The following PRUNE2 variants were observed in gnomAD, a reference collection of about 807,000 sequenced individuals.
PRUNE2 encodes protein prune homolog 2.
In PRUNE2, 164 loss-of-function variants were observed where a neutral mutation model predicts 252.0. The observed-to-expected ratio is 0.65, with a 90% CI of 0.57 to 0.74. The LOEUF is 0.74. PRUNE2 is among the 30% of genes least tolerant of loss of function. The pLI is 0.00. For missense variants in PRUNE2, 3,495 were observed against 3,711.0 expected (o/e 0.94, Z 1.51); for synonymous variants, 1,292 against 1,350.2 (o/e 0.96, Z 0.94).
At chr9:76,892,650 G>A (rs2062553161) in intron 1 of PRUNE2, among the ~76,000 whole-genome samples, 1 of 152,034 alleles carries the variant, frequency 6.6e-6, no homozygotes, top group Admixed American at 6.6e-5. Context: ...ATAAAAATTG[G>A]GGTTGCAAGA....
At chr9:76,811,023 A>G (rs1016009361) in intron 6 of PRUNE2, among the ~76,000 whole-genome samples, 1 of 152,228 alleles carries the variant, frequency 6.6e-6, no homozygotes, top group African/African-American at 2.4e-5. Context: ...AATCAGCAAA[A>G]TAACTCTGAA....
At chr9:76,685,557 T>A (rs2043991291) in intron 9 of PRUNE2, among the ~76,000 whole-genome samples, 1 of 152,158 alleles carries the variant, frequency 6.6e-6, no homozygotes, top group Admixed American at 6.5e-5. Context: ...TAGTTCAATA[T>A]GAATGGCATC....
rs1464928234 is a variant in PRUNE2, at chr9:76,706,376, G to C, written c.5898C>G (p.Val1966=). 3 of 1,613,914 alleles carry C rather than the reference G, an allele frequency of 1.9e-6. No individual in the cohort carries two copies. The highest frequency in any genetic ancestry group is 2.5e-6 in the Non-Finnish European group (3 of 1,179,910). Residue 1966 remains valine (V), a synonymous_variant, in exon 8 of 19, where the codon GTC becomes GTG. Coordinates refer to ENST00000376718, the MANE Select transcript of PRUNE2 (RefSeq NM_015225.3). The part of the protein sequence containing the change: ...QEQCQDTMLP[V]CDHPDTAFTH... ...TAAAGGCTGTGTCCGGATGATCACAGACTGGCAGCATGGTGTCCTGACACT... is the reference window on the plus strand; with the variant it reads ...TAAAGGCTGTGTCCGGATGATCACACACTGGCAGCATGGTGTCCTGACACT...
intron 6 of PRUNE2, chr9:76,740,055 C>T (rs984052413): frequency 2.2e-4 from 32 of 148,422 alleles, no homozygotes; most frequent in African/African-American, 7.9e-4. Context: ...CAGTATGATA[C>T]TCTGTTTCAA....
intron 1 of PRUNE2, among the ~76,000 whole-genome samples, chr9:76,886,061 C>G (rs2062077132): frequency 6.6e-6 from 1 of 151,906 alleles, no homozygotes; most frequent in Non-Finnish European, 1.5e-5. Context: ...TGGCACACAC[C>G]TGTAGTCCCA....
chr9:76,770,913 T>C (rs1589129909), intron 6 of PRUNE2, among the ~76,000 whole-genome samples: 1 of 152,156 alleles, frequency 6.6e-6, no homozygotes, highest in South Asian at 2.1e-4. Flanking sequence ...ATACCAAAAA[T>C]TAAATTTCAA....
chr9:76,635,952 A>G (rs1201931990), intron 15 of PRUNE2, among the ~76,000 whole-genome samples: 5 of 152,216 alleles, frequency 3.3e-5, no homozygotes, highest in Non-Finnish European at 5.9e-5. Flanking sequence ...ATTGAAACCA[A>G]GACTCCTCAG....
intron 18 of PRUNE2, among the ~76,000 whole-genome samples, chr9:76,615,918 C>T (rs1053720402): frequency 2.0e-5 from 3 of 151,618 alleles, no homozygotes; most frequent in Non-Finnish European, 2.9e-5. Flanking sequence ...TACAGGCAGA[C>T]GCCACCATGC....
At chr9:76,684,082 T>A (rs1016145926) in intron 9 of PRUNE2, among the ~76,000 whole-genome samples, 2 of 152,070 alleles carry the variant, frequency 1.3e-5, no homozygotes, top group Non-Finnish European at 2.9e-5. Flanking sequence ...CATACTTATG[T>A]TTTTTGTGGT....
intron 1 of PRUNE2, among the ~76,000 whole-genome samples, chr9:76,882,294 G>A (rs754100641): frequency 4.6e-5 from 7 of 152,176 alleles, no homozygotes; most frequent in Non-Finnish European, 7.3e-5. Flanking sequence ...CCTCATATAT[G>A]ATGATTATAA....
intron 11 of PRUNE2, 25 bp downstream of exon 11, chr9:76,652,458 T>C: frequency 6.5e-7 from 1 of 1,533,212 alleles, no homozygotes; most frequent in Non-Finnish European, 9.0e-7. Context: ...CATTTAACTT[T>C]GGCCTTGCCA....
intron 1 of PRUNE2, among the ~76,000 whole-genome samples, chr9:76,870,872 T>C (rs540263917): frequency 8.6e-5 from 13 of 152,026 alleles, no homozygotes; most frequent in South Asian, 6.2e-4. Flanking sequence ...TTAATAACAA[T>C]ACGGCAGCAA....
At chr9:76,886,276 C>G (rs2062093877) in intron 1 of PRUNE2, among the ~76,000 whole-genome samples, 1 of 151,866 alleles carries the variant, frequency 6.6e-6, no homozygotes, top group South Asian at 2.1e-4. Flanking sequence ...ATGAATAAAC[C>G]AAGACCCAAA....
intron 1 of PRUNE2, chr9:76,862,191 G>A (rs1213348280): frequency 1.3e-5 from 2 of 152,464 alleles, no homozygotes; most frequent in African/African-American, 4.8e-5. Context: ...GGCCGAGGCA[G>A]GCAGATCACC....
intron 6 of PRUNE2, among the ~76,000 whole-genome samples, chr9:76,802,226 A>G (rs565267050): frequency 2.9e-4 from 44 of 152,322 alleles, no homozygotes; most frequent in Non-Finnish European, 5.6e-4. Flanking sequence ...ACCATGTGGC[A>G]GAAAGACTAG....
At chr9:76,643,759 A>G (rs185606317) in intron 12 of PRUNE2, among the ~76,000 whole-genome samples, 1 of 152,342 alleles carries the variant, frequency 6.6e-6, no homozygotes, top group African/African-American at 2.4e-5. Flanking sequence ...GGGGGTAGCA[A>G]TGTATGGGAT....
chr9:76,880,784 T>G (rs1453978400), intron 1 of PRUNE2, among the ~76,000 whole-genome samples: 1 of 152,222 alleles, frequency 6.6e-6, no homozygotes, highest in African/African-American at 2.4e-5. Flanking sequence ...AAGATGTATT[T>G]GTTTTGGAAA....
chr9:76,736,326 A>T (rs1298261057), intron 6 of PRUNE2, among the ~76,000 whole-genome samples: 3 of 152,248 alleles, frequency 2.0e-5, no homozygotes, highest in Non-Finnish European at 4.4e-5. Context: ...GCTATGGATA[A>T]TTTCTGGTCT....
At chr9:76,777,753 T>C (rs2053955668) in intron 6 of PRUNE2, among the ~76,000 whole-genome samples, 1 of 152,108 alleles carries the variant, frequency 6.6e-6, no homozygotes, top group Admixed American at 6.5e-5. Context: ...GGATAGAGAA[T>C]ATCAGGGGAA....
Sources: allele counts gnomAD v4.1 joint callset (sites outside exome capture counted in the v4.1 genomes callset), GRCh38; gene constraint gnomAD v4.1.1; transcripts MANE v1.5; gene names NCBI Gene and HGNC (gene_info 2026-07-23, HGNC 2026-07-21).